The following MBL2 variants were observed in gnomAD, a reference collection of about 807,000 sequenced individuals.
MBL2 encodes mannose binding lectin 2.
Under a neutral mutation model 12.7 loss-of-function variants are expected in MBL2, and 6 were observed. The ratio of observed to expected loss-of-function variants is 0.47; its 90% CI spans 0.26 to 0.94. The LOEUF (loss-of-function observed/expected upper bound fraction) is 0.94. Among genes scored for constraint, MBL2 ranks in the 40% least tolerant of loss-of-function variants. The pLI is 0.15. For missense variants in MBL2, 307 were observed against 295.2 expected (o/e 1.04, Z -0.29); for synonymous variants, 114 against 112.0 (o/e 1.02, Z -0.11).
chr10:52,770,671 C>G lies in MBL2; in HGVS notation c.303G>C (p.Pro101=), dbSNP rs55902142. 1 of 1,467,518 alleles carries G rather than the reference C, an allele frequency of 6.8e-7. No homozygotes were observed. The highest frequency in any genetic ancestry group is 9.1e-7 in the Non-Finnish European group (1 of 1,101,500). The allele number at this position is 1,467,518 out of a possible 1,614,324, so 90.9% of individuals were successfully genotyped here. Residue 101 remains proline (P), a splice_region_variant and synonymous_variant, in exon 3 of 5, where the codon CCG becomes CCC. Coordinates refer to ENST00000674931, the MANE Select transcript of MBL2 (RefSeq NM_001378373.1). The part of the protein sequence containing the change: ...KGQKGDPGKS[P]DGDSSLAASE... Reference sequence around the variant, plus strand: ...CTCAGACCTTGCTGGGGTCCTTACCCGGACTTTTTCCAGGGTCTCCTTTTT... The same window carrying G: ...CTCAGACCTTGCTGGGGTCCTTACCGGGACTTTTTCCAGGGTCTCCTTTTT...
At chr10:52,771,192 C>A (rs758572541) in intron 2 of MBL2, among the ~76,000 whole-genome samples, 12 of 152,088 alleles carry the variant, frequency 7.9e-5, no homozygotes, top group Non-Finnish European at 1.6e-4. Context: ...GACAATGACC[C>A]AGAGAAGAAA....
chr10:52,771,208 A>G (rs546107265), intron 2 of MBL2, among the ~76,000 whole-genome samples: 1 of 152,146 alleles, frequency 6.6e-6, no homozygotes, highest in African/African-American at 2.4e-5. Flanking sequence ...AGAAAAATTC[A>G]TCCTGTGTCC....
At chr10:52,771,989 T>C (rs572144222) in intron 1 of MBL2, among the ~76,000 whole-genome samples, 5 of 151,792 alleles carry the variant, frequency 3.3e-5, no homozygotes, top group African/African-American at 1.2e-4. Flanking sequence ...GCTTAGGGAA[T>C]GAGAATGAGT....
rs141279168 is a variant in MBL2 at position 52,772,665 on chromosome 10, G to A, written c.-10+72C>T. 8.4e-5 allele frequency: 71 copies of A among 842,602 alleles called. No homozygotes were observed. In the East Asian group the frequency reaches 5.4e-3, roughly 64 times the overall value. The allele number at this position is 842,602 out of a possible 1,614,324, so 52.2% of individuals were successfully genotyped here. ...CCCACCCCTAGAAAGCCTCCTCCAT[G>A]CCTCCAGGGTCATGTCAGCTCCCCA... is the stretch of plus-strand genomic sequence containing the variant. On this transcript the variant is annotated intron_variant, in intron 1 of 4. Coordinates refer to ENST00000674931, the MANE Select transcript of MBL2 (RefSeq NM_001378373.1).
intron 3 of MBL2, among the ~76,000 whole-genome samples, 170 bp downstream of exon 3, chr10:52,770,500 A>G (rs1477356155): frequency 3.9e-5 from 6 of 152,204 alleles, no homozygotes; most frequent in Non-Finnish European, 1.5e-5. Flanking sequence ...TCAGGCACTT[A>G]TAGGAATTCC....
In MBL2 at chr10:52,768,394, T is replaced by G. The variant is rs200749792; in HGVS notation, c.490A>C (p.Thr164Pro). ...LCVKFQASVA[T>P]PRNAAENGAI... The stretch of plus-strand genomic sequence containing the variant: ...CCATTCTCTGCAGCATTCCTGGGGG[T>G]GGCCACAGAGGCCTGGAACTTGACA... The change falls in exon 5 of 5, where the codon ACC becomes CCC. Residue 164 changes from threonine to proline, a missense_variant. Physicochemically the swap from Thr to Pro is conservative, Grantham distance 38. Transcript: ENST00000674931. The G allele has an allele frequency of 7.1e-5, 115 of 1,613,814 alleles. No homozygotes were observed. In the East Asian group the frequency reaches 2.5e-3, roughly 34 times the overall value.
At chr10:52,771,718 T>C (rs1458648165) in intron 1 of MBL2, 74 bp from the exon 2 acceptor site, 2 of 1,506,112 alleles carry the variant, frequency 1.3e-6, no homozygotes, top group South Asian at 1.3e-5. Flanking sequence ...CCCTCTGTCC[T>C]ACAATCTGGG....
At chr10:52,772,159 A>G (rs1383262904) in intron 1 of MBL2, among the ~76,000 whole-genome samples, 1 of 152,198 alleles carries the variant, frequency 6.6e-6, no homozygotes, top group Non-Finnish European at 1.5e-5. Flanking sequence ...AAAGCTGGTG[A>G]TCCAAAGAGG....
intron 3 of MBL2, among the ~76,000 whole-genome samples, 154 bp downstream of exon 3, chr10:52,770,516 G>C (rs1479581354): frequency 6.6e-6 from 1 of 152,140 alleles, no homozygotes; most frequent in East Asian, 1.9e-4. Context: ...ATTCCCTAAG[G>C]CTCTAAGAAT....
chr10:52,770,786 C>T lies in MBL2; in HGVS notation c.188G>A (p.Gly63Asp). The T allele has an allele frequency of 6.3e-6, 9 of 1,435,546 alleles. No homozygotes were observed. The highest frequency in any genetic ancestry group is 8.3e-6 in the Non-Finnish European group (9 of 1,083,990). 88.9% of individuals were successfully genotyped at this position (1,435,546 alleles called of 1,614,324 possible). A position where few individuals can be genotyped will look rare whatever the true frequency, so the allele number is the denominator to read the frequency against. ...GCCCTGTAAGCCTCTGAGCCCTTGG[C>T]CTGTTGGAAGACAAAGGAAATGTGA... is the stretch of plus-strand genomic sequence containing the variant. ...DGTKGEKGEP[G>D]QGLRGLQGPP... is the part of the protein sequence containing the mutation. The change falls in exon 3 of 5, where the codon GGC (glycine) becomes GAC (aspartate). Residue 63 changes from glycine to aspartate, a missense_variant and splice_region_variant. Coordinates refer to ENST00000674931, the MANE Select transcript of MBL2 (RefSeq NM_001378373.1).
chr10:52,769,199 A>G (rs766084663), intron 4 of MBL2, 48 bp downstream of exon 4: 38 of 1,311,126 alleles, frequency 2.9e-5, no homozygotes, highest in Non-Finnish European at 3.9e-5. Context: ...GTTGCATTCT[A>G]TTTTTCCCAA....
intron 2 of MBL2, 67 bp from the exon 3 acceptor site, chr10:52,770,853 T>A: frequency 1.2e-6 from 1 of 860,450 alleles, no homozygotes; most frequent in Non-Finnish European, 1.7e-6. Context: ...AAGAGTTTGA[T>A]GCCCAATCCC....
chr10:52,768,445 T>A lies in MBL2; in HGVS notation c.439A>T (p.Thr147Ser). The A allele has an allele frequency of 6.2e-7, 1 of 1,609,734 alleles. No individual in the cohort carries two copies. The highest frequency in any genetic ancestry group is 2.2e-5 in the East Asian group (1 of 44,868). Residue 147 changes from threonine to serine, a missense_variant, in exon 5 of 5, where the codon ACC becomes TCC. Thr to Ser is a moderately conservative substitution (Grantham distance 58, BLOSUM62 1). Transcript: ENST00000674931. ...CACAAGGCCTTCACTTTTTCAAAGG[T>A]CATTATTTCACCATTGGTCAGGAAG... ...KFFLTNGEIM[T>S]FEKVKALCVK...
chr10:52,770,909 C>A (rs983233799), intron 2 of MBL2, 123 bp from the exon 3 acceptor site: 14 of 500,004 alleles, frequency 2.8e-5, no homozygotes, highest in Non-Finnish European at 4.9e-5. Flanking sequence ...CCTTTCTGAG[C>A]ACTGCTCTCA....
At chr10:52,768,545 C>A in intron 4 of MBL2, 35 bp from the exon 5 acceptor site, 1 of 1,460,716 alleles carries the variant, frequency 6.8e-7, no homozygotes, top group Non-Finnish European at 9.2e-7. Flanking sequence ...ACTGACTCAT[C>A]CTTAAGCCCA....
rs1198623309 is a variant in MBL2, at chr10:52,765,990, A to G, written c.*2147T>C. 1.3e-5 allele frequency: 2 copies of G among 152,156 alleles called. No individual in the cohort carries two copies. Among genetic ancestry groups the G allele is most frequent in the Admixed American group, 6.5e-5 (1 of 15,280 alleles). The allele number at this position is 152,156 out of a possible 1,614,324, so 9.4% of individuals were successfully genotyped here. Reference sequence around the variant, plus strand: ...TGTACAACAATAGAAAAGAAAAAATATTTAAAATATATTATTAAAATCACT... The same window carrying G: ...TGTACAACAATAGAAAAGAAAAAATGTTTAAAATATATTATTAAAATCACT... On this transcript the variant is annotated 3_prime_UTR_variant, in exon 5 of 5. Coordinates refer to ENST00000674931, the MANE Select transcript of MBL2 (RefSeq NM_001378373.1).
At position 52,768,134 on chromosome 10, in the gene MBL2, C is replaced by A. The variant is rs371397104; in HGVS notation, c.*3G>T. ...ACAAGGAGGGCCTGAGTGATATGAC[C>A]CTTCAGATAGGGAACTCACAGACGG... is the stretch of plus-strand genomic sequence containing the variant. On this transcript the variant is annotated 3_prime_UTR_variant, in exon 5 of 5. Coordinates refer to ENST00000674931, the MANE Select transcript of MBL2 (RefSeq NM_001378373.1). 290 of 1,595,976 alleles carry A rather than the reference C, an allele frequency of 1.8e-4. No individual in the cohort carries two copies. The highest frequency in any genetic ancestry group is 2.9e-4 in the Admixed American group (17 of 59,040).
At chr10:52,772,101 C>T (rs1394815946) in intron 1 of MBL2, among the ~76,000 whole-genome samples, 1 of 152,172 alleles carries the variant, frequency 6.6e-6, no homozygotes, top group Non-Finnish European at 1.5e-5. Flanking sequence ...GCTGATTCCC[C>T]TCCAGGACCT....
At chr10:52,770,498 T>G (rs1179803302) in intron 3 of MBL2, among the ~76,000 whole-genome samples, 172 bp downstream of exon 3, 1 of 152,152 alleles carries the variant, frequency 6.6e-6, no homozygotes, top group Non-Finnish European at 1.5e-5. Flanking sequence ...ACTCAGGCAC[T>G]TATAGGAATT....
Sources: allele counts gnomAD v4.1 joint callset (sites outside exome capture counted in the v4.1 genomes callset), GRCh38; gene constraint gnomAD v4.1.1; transcripts MANE v1.5; gene names NCBI Gene and HGNC (gene_info 2026-07-23, HGNC 2026-07-21).